Variants in GRIP1 observed in about 807,000 individuals in gnomAD.
GRIP1 encodes glutamate receptor interacting protein 1.
In GRIP1, 45 loss-of-function variants were observed where a neutral mutation model predicts 129.9. That is an observed-to-expected ratio of 0.35 (90% confidence interval 0.27 to 0.44). GRIP1 has a LOEUF of 0.44. GRIP1 is among the 20% of genes least tolerant of loss of function. The pLI is 1.00. For missense variants in GRIP1, 1,196 were observed against 1,396.8 expected, an observed-to-expected ratio of 0.86 and a Z score of 2.29; for synonymous variants, 530 against 520.8, an observed-to-expected ratio of 1.02 and a Z score of -0.24.
chr12:66,783,459 T>G (rs1377062805), intron 1 of GRIP1, among the ~76,000 whole-genome samples: 2 of 152,226 alleles, frequency 1.3e-5, no homozygotes, highest in Non-Finnish European at 2.9e-5. Context: ...GGCTAACCAG[T>G]GGCACCCGCA....
chr12:66,794,399 T>C (rs1395828739), intron 1 of GRIP1, among the ~76,000 whole-genome samples: 2 of 152,160 alleles, frequency 1.3e-5, no homozygotes, highest in Non-Finnish European at 2.9e-5. Flanking sequence ...AAAAGGACAC[T>C]GTATGTAAGT....
chr12:66,579,015 G>A (rs1336153335), intron 2 of GRIP1, among the ~76,000 whole-genome samples: 1 of 152,176 alleles, frequency 6.6e-6, no homozygotes, highest in South Asian at 2.1e-4. Flanking sequence ...CCCCCCAGTA[G>A]GGGCAGACTG....
intron 1 of GRIP1, among the ~76,000 whole-genome samples, chr12:67,056,956 G>A (rs1206559445): frequency 6.6e-6 from 1 of 152,060 alleles, no homozygotes; most frequent in African/African-American, 2.4e-5. Context: ...TATTACAGGT[G>A]CCCAACACCA....
intron 24 of GRIP1, among the ~76,000 whole-genome samples, chr12:66,350,112 A>T (rs184400556): frequency 1.3e-5 from 2 of 152,124 alleles, no homozygotes; most frequent in East Asian, 3.9e-4. Flanking sequence ...CTCCTTCCTT[A>T]GTTCTACAAC....
rs145221953 is a variant in GRIP1, at chr12:66,436,357, T to C, written c.1688-3729A>G. ...CATAATGATGGCAAACATTATTTGATAGGATTCTCACCGAGACTTCTTTCC... is the reference window on the plus strand; with the variant it reads ...CATAATGATGGCAAACATTATTTGACAGGATTCTCACCGAGACTTCTTTCC... On this transcript the variant is annotated intron_variant, in intron 13 of 24. Transcript: ENST00000359742. Among the ~76,000 whole-genome samples the C allele has an allele frequency of 3.3e-4, 51 of 152,284 alleles. No individual in the cohort carries two copies. In the East Asian group the frequency reaches 9.8e-3, roughly 29 times the overall value.
chr12:66,880,794 C>A (rs1209402372), intron 1 of GRIP1, among the ~76,000 whole-genome samples: 1 of 152,084 alleles, frequency 6.6e-6, no homozygotes, highest in East Asian at 1.9e-4. Context: ...ATTAACCGAC[C>A]TGTACATTTA....
At chr12:66,429,679 GA>G (rs1260248561) in intron 14 of GRIP1, among the ~76,000 whole-genome samples, 2 of 152,150 alleles carry the variant, frequency 1.3e-5, no homozygotes, top group Non-Finnish European at 2.9e-5. Flanking sequence ...CTGGGTGACA[GA>G]GTGAGATCCT....
chr12:66,869,297 A>AGAAGTATT (rs2040256558), intron 1 of GRIP1, among the ~76,000 whole-genome samples: 1 of 152,024 alleles, frequency 6.6e-6, no homozygotes, highest in African/African-American at 2.4e-5. Context: ...GTTGGGGGAA[A>AGAAGTATT]TACTGCTTCA....
At chr12:66,655,192 G>T (rs538181317) in intron 1 of GRIP1, among the ~76,000 whole-genome samples, 1 of 152,202 alleles carries the variant, frequency 6.6e-6, no homozygotes, top group African/African-American at 2.4e-5. Context: ...CCCCAAATGG[G>T]GGTTGTTATC....
intron 1 of GRIP1, among the ~76,000 whole-genome samples, chr12:66,746,292 T>A (rs966853414): frequency 6.6e-6 from 1 of 152,210 alleles, no homozygotes; most frequent in Non-Finnish European, 1.5e-5. Context: ...CTTATTTCCA[T>A]AACTTATTCA....
intron 1 of GRIP1, among the ~76,000 whole-genome samples, chr12:66,698,980 C>T (rs2035258506): frequency 6.6e-6 from 1 of 152,144 alleles, no homozygotes; most frequent in African/African-American, 2.4e-5. Context: ...ATGCAGCAGG[C>T]TCAGTAAATG....
intron 1 of GRIP1, among the ~76,000 whole-genome samples, chr12:67,008,220 G>A (rs536260870): frequency 6.6e-6 from 1 of 152,264 alleles, no homozygotes; most frequent in African/African-American, 2.4e-5. Flanking sequence ...GAGGAAAAGG[G>A]GGTACTGCCC....
At chr12:66,613,566 A>G (rs1419435747) in intron 1 of GRIP1, among the ~76,000 whole-genome samples, 2 of 152,206 alleles carry the variant, frequency 1.3e-5, no homozygotes, top group Non-Finnish European at 2.9e-5. Flanking sequence ...ATGATGACAA[A>G]GGACAGGGTA....
At chr12:66,705,011 G>A (rs2035478147) in intron 1 of GRIP1, among the ~76,000 whole-genome samples, 2 of 151,964 alleles carry the variant, frequency 1.3e-5, no homozygotes, top group African/African-American at 2.4e-5. Context: ...CTCCATGAAG[G>A]TCTTCTGCTC....
At chr12:66,934,755 G>GT (rs1201825183) in intron 1 of GRIP1, among the ~76,000 whole-genome samples, 1 of 152,150 alleles carries the variant, frequency 6.6e-6, no homozygotes. Context: ...TCAAACACAA[G>GT]TAAGTGCTTG....
chr12:66,433,826 C>T (rs1191371614), intron 13 of GRIP1, among the ~76,000 whole-genome samples: 2 of 152,154 alleles, frequency 1.3e-5, no homozygotes, highest in African/African-American at 2.4e-5. Context: ...GATGGGTGAG[C>T]TATCCACTTG....
intron 1 of GRIP1, among the ~76,000 whole-genome samples, chr12:66,873,884 C>A (rs371977593): frequency 2.0e-5 from 3 of 152,066 alleles, no homozygotes; most frequent in Non-Finnish European, 4.4e-5. Context: ...CTGAGCAGAT[C>A]GTTGCAGCTG....
At chr12:66,861,032 T>A (rs1179966498) in intron 1 of GRIP1, among the ~76,000 whole-genome samples, 1 of 152,088 alleles carries the variant, frequency 6.6e-6, no homozygotes, top group Non-Finnish European at 1.5e-5. Flanking sequence ...GACTATTTGC[T>A]GATATATCTC....
intron 1 of GRIP1, among the ~76,000 whole-genome samples, chr12:66,666,652 C>T (rs189466562): frequency 5.3e-5 from 8 of 152,218 alleles, no homozygotes; most frequent in African/African-American, 1.4e-4. Context: ...CATTCTGCTG[C>T]ACTCTTAAAT....
Sources: allele counts gnomAD v4.1 joint callset (sites outside exome capture counted in the v4.1 genomes callset), GRCh38; gene constraint gnomAD v4.1.1; transcripts MANE v1.5; gene names NCBI Gene and HGNC (gene_info 2026-07-23, HGNC 2026-07-21).